GNA14: variants seen among roughly 807,000 people sequenced by gnomAD.
GNA14 encodes guanine nucleotide-binding protein subunit alpha-14.
A neutral mutation model predicts 42.0 loss-of-function variants in GNA14; 50 were observed. The observed-to-expected ratio is 1.19, with a 90% CI of 0.95 to 1.51. The LOEUF is 1.51. Among genes scored for constraint, GNA14 ranks in the 40% most tolerant of loss-of-function variants. The probability of loss-of-function intolerance (pLI) is 0.00; values close to 1 mark genes in which losing one functional copy is unlikely to be tolerated. For missense variants in GNA14, 473 were observed against 446.2 expected, an observed-to-expected ratio of 1.06 and a Z score of -0.54; for synonymous variants, 173 against 163.1, an observed-to-expected ratio of 1.06 and a Z score of -0.46.
At chr9:77,536,354 G>T (rs77731225) in intron 1 of GNA14, among the ~76,000 whole-genome samples, 3,495 of 152,030 alleles carry the variant, frequency 0.023, 144 homozygotes, top group African/African-American at 0.079. Context: ...GGTTTTTTTT[G>T]TGTGTGTGTG....
intron 2 of GNA14, among the ~76,000 whole-genome samples, chr9:77,499,787 T>A (rs553116772): frequency 6.6e-6 from 1 of 151,692 alleles, no homozygotes; most frequent in East Asian, 2.0e-4. Flanking sequence ...AAGGCAGAGG[T>A]TGCAGTGGGC....
At chr9:77,621,026 C>G (rs1823913830) in intron 1 of GNA14, among the ~76,000 whole-genome samples, 1 of 151,944 alleles carries the variant, frequency 6.6e-6, no homozygotes, top group Non-Finnish European at 1.5e-5. Flanking sequence ...CTCCACCTCC[C>G]AGGCTCAAGT....
At chr9:77,532,857 C>G (rs1426205376) in intron 1 of GNA14, among the ~76,000 whole-genome samples, 2 of 152,074 alleles carry the variant, frequency 1.3e-5, no homozygotes, top group African/African-American at 4.8e-5. Context: ...CAACAGGAAC[C>G]CTCACCCTGG....
chr9:77,631,089 A>C (rs1206696142), intron 1 of GNA14, among the ~76,000 whole-genome samples: 1 of 152,196 alleles, frequency 6.6e-6, no homozygotes, highest in Non-Finnish European at 1.5e-5. Flanking sequence ...AAAGGGTCTA[A>C]TCATTTATAG....
At position 77,641,531 on chromosome 9, in the gene GNA14, G is replaced by C. The variant is rs368931533; in HGVS notation, c.124+6139C>G. Reference sequence around the variant, plus strand: ...AAAAGCACAGTGGGGATCGCTAATCGTAAGAAAATCACCAGTTAAATCCCA... The same window carrying C: ...AAAAGCACAGTGGGGATCGCTAATCCTAAGAAAATCACCAGTTAAATCCCA... On this transcript the variant is annotated intron_variant, in intron 1 of 6. Transcript: ENST00000341700. Among the ~76,000 whole-genome samples, 49 of 151,172 alleles carry C rather than the reference G, an allele frequency of 3.2e-4. No homozygotes were observed. The South Asian group carries it at 9.9e-3, about 31-fold the overall frequency.
At chr9:77,439,433 A>T (rs1463439879) in intron 2 of GNA14, among the ~76,000 whole-genome samples, 1 of 152,092 alleles carries the variant, frequency 6.6e-6, no homozygotes, top group Non-Finnish European at 1.5e-5. Context: ...GAGCCTAGGA[A>T]TTCAAGTCCA....
At chr9:77,607,049 T>A (rs2117932957) in intron 1 of GNA14, among the ~76,000 whole-genome samples, 1 of 152,304 alleles carries the variant, frequency 6.6e-6, no homozygotes, top group Middle Eastern at 3.4e-3. Flanking sequence ...TCTGAAACTA[T>A]GAGAAATAAA....
At chr9:77,424,686 T>C (rs1835426757) in intron 6 of GNA14, among the ~76,000 whole-genome samples, 1 of 152,214 alleles carries the variant, frequency 6.6e-6, no homozygotes, top group African/African-American at 2.4e-5. Context: ...CTAAAAATTG[T>C]ACTTTACAGT....
In GNA14 at chr9:77,476,322, G is replaced by A. The variant is rs144240846; in HGVS notation, c.310-41800C>T. ...ATCAGAGTACTGAAAACCCAGCATC[G>A]CCATCTCTAGGTAATGAGGGGGAGG... On this transcript the variant is annotated intron_variant, in intron 2 of 6. Coordinates refer to ENST00000341700, the MANE Select transcript of GNA14 (RefSeq NM_004297.4). 6.4e-3 allele frequency among the ~76,000 whole-genome samples: 973 copies of A among 152,198 alleles called. 1 individual carries two copies. The highest frequency in any genetic ancestry group is 0.011 in the Admixed American group (172 of 15,282).
intron 1 of GNA14, among the ~76,000 whole-genome samples, chr9:77,530,007 A>G (rs1837504797): frequency 6.6e-6 from 1 of 152,256 alleles, no homozygotes; most frequent in Non-Finnish European, 1.5e-5. Context: ...TTTGATAAAG[A>G]TAATTTATCA....
At chr9:77,424,252 T>TCG (rs1272605658) in intron 6 of GNA14, 83 bp from the exon 7 acceptor site, 2 of 944,284 alleles carry the variant, frequency 2.1e-6, no homozygotes, top group Non-Finnish European at 3.2e-6. Flanking sequence ...AGACAGAGTC[T>TCG]CGCTCTGTAG....
chr9:77,493,414 G>A (rs926064352), intron 2 of GNA14, among the ~76,000 whole-genome samples: 5 of 152,058 alleles, frequency 3.3e-5, no homozygotes, highest in South Asian at 2.1e-4. Context: ...TCTGTACTGT[G>A]TACTCTGATC....
chr9:77,504,346 G>C (rs986889408), intron 2 of GNA14, among the ~76,000 whole-genome samples: 1 of 151,988 alleles, frequency 6.6e-6, no homozygotes, highest in African/African-American at 2.4e-5. Context: ...CTCTCATAGG[G>C]AATCTGCTGT....
At chr9:77,445,233 C>T (rs1476750015) in intron 2 of GNA14, among the ~76,000 whole-genome samples, 2 of 152,148 alleles carry the variant, frequency 1.3e-5, no homozygotes, top group East Asian at 3.9e-4. Flanking sequence ...AGAAAGGGAC[C>T]AGACCAGCCT....
chr9:77,435,781 CACA>C (rs1244282191), intron 2 of GNA14, among the ~76,000 whole-genome samples: 3 of 152,102 alleles, frequency 2.0e-5, no homozygotes, highest in South Asian at 4.1e-4. Context: ...GGCCTGCAGC[CACA>C]ACATTTCCCC....
intron 1 of GNA14, 123 bp downstream of exon 1, chr9:77,647,547 G>C: frequency 9.1e-7 from 1 of 1,097,458 alleles, no homozygotes; most frequent in Non-Finnish European, 1.3e-6. Context: ...CTCCGAGGGG[G>C]AGAAGGACGA....
chr9:77,594,921 T>C (rs1172374305), intron 1 of GNA14, among the ~76,000 whole-genome samples: 2 of 152,232 alleles, frequency 1.3e-5, no homozygotes, highest in East Asian at 3.8e-4. Flanking sequence ...AGGAACACTG[T>C]GGGCCCTTGG....
intron 2 of GNA14, among the ~76,000 whole-genome samples, chr9:77,511,392 C>T (rs1303897711): frequency 6.6e-6 from 1 of 152,194 alleles, no homozygotes; most frequent in Non-Finnish European, 1.5e-5. Flanking sequence ...CTATGGGTCC[C>T]ATTCTTCAGC....
intron 2 of GNA14, among the ~76,000 whole-genome samples, chr9:77,483,524 C>G (rs12004558): frequency 0.058 from 8,789 of 152,162 alleles, 701 homozygotes; most frequent in African/African-American, 0.18. Context: ...GGTCAGGGAT[C>G]CACTTGAGGA....
Sources: allele counts gnomAD v4.1 joint callset (sites outside exome capture counted in the v4.1 genomes callset), GRCh38; gene constraint gnomAD v4.1.1; transcripts MANE v1.5; gene names NCBI Gene and HGNC (gene_info 2026-07-23, HGNC 2026-07-21).